TEX9: variants seen among roughly 807,000 people sequenced by gnomAD.
TEX9 encodes the protein testis expressed 9, also known as testis-expressed protein 9.
Under a neutral mutation model 59.6 loss-of-function variants are expected in TEX9, and 74 were observed. The ratio of observed to expected loss-of-function variants is 1.24; its 90% CI spans 1.03 to 1.51. The LOEUF (loss-of-function observed/expected upper bound fraction) is 1.51, where lower values mean the gene tolerates loss of function less well. Among genes scored for constraint, TEX9 ranks in the 40% most tolerant of loss-of-function variants. TEX9 has a pLI of 0.00. For missense variants in TEX9, 522 were observed against 447.8 expected (o/e 1.17, Z -1.49); for synonymous variants, 186 against 152.2 (o/e 1.22, Z -1.64).
chr15:56,340,378 G>A (rs2046349320), intron 1 of TEX9, among the ~76,000 whole-genome samples: 1 of 152,184 alleles, frequency 6.6e-6, no homozygotes, highest in Admixed American at 6.5e-5. Context: ...TAACAATCAT[G>A]ATAATACATC....
intron 1 of TEX9, among the ~76,000 whole-genome samples, chr15:56,296,548 C>T (rs916691271): frequency 1.3e-5 from 2 of 152,164 alleles, no homozygotes; most frequent in Admixed American, 6.5e-5. Flanking sequence ...CTATCTCTTT[C>T]GGCTACAATA....
At chr15:56,398,165 G>A (rs1398818217) in intron 9 of TEX9, 2 of 151,850 alleles carry the variant, frequency 1.3e-5, no homozygotes, top group South Asian at 2.1e-4. Context: ...AAATTGCGAT[G>A]TGCTATAACT....
Position 56,247,896 on chromosome 15 carries a change from C to T in TEX9, c.-107+3618C>T, listed in dbSNP as rs943702151. 2.6e-5 allele frequency among the ~76,000 whole-genome samples: 4 copies of T among 152,154 alleles called. No homozygotes were observed. In the East Asian group the frequency reaches 7.7e-4, roughly 29 times the overall value. ...TGATCATTACTTCCTCTGTCTTTTT[C>T]CATTGCAAGCTTTCTCCTCTAGAAG... On this transcript the variant is annotated intron_variant, in intron 1 of 5. Coordinates refer to the TEX9 transcript ENST00000560827.
In TEX9 at chr15:56,324,075, G is replaced by T. The variant is rs114908047; in HGVS notation, c.-106-49366G>T. Among the ~76,000 whole-genome samples, 1,214 of 152,052 alleles carry T rather than the reference G, an allele frequency of 8.0e-3. 13 individuals are homozygous for T. The highest frequency in any genetic ancestry group is 0.027 in the African/African-American group (1,136 of 41,458). Reference sequence around the variant, plus strand: ...TAGAAATCGAAAGCAGGTTCTTATTGGTGCACAGCACAAATTAGTTATATA... The same window carrying T: ...TAGAAATCGAAAGCAGGTTCTTATTTGTGCACAGCACAAATTAGTTATATA... On this transcript the variant is annotated intron_variant, in intron 1 of 5. Transcript: ENST00000560827.
chr15:56,277,975 T>C lies in TEX9; in HGVS notation c.-107+33697T>C, dbSNP rs567537916. ...ACTATTTCGTTTTTTTTTTCTCTTT[T>C]CCCTTTTTATTTCTTTGGTTTCCCC... On this transcript the variant is annotated intron_variant, in intron 1 of 5. Coordinates refer to the TEX9 transcript ENST00000560827. Among the ~76,000 whole-genome samples the C allele has an allele frequency of 3.9e-5, 6 of 152,256 alleles. No homozygotes were observed. The East Asian group carries it at 1.2e-3, about 29-fold the overall frequency.
At chr15:56,371,542 T>C (rs1469682795) in intron 2 of TEX9, among the ~76,000 whole-genome samples, 1 of 152,158 alleles carries the variant, frequency 6.6e-6, no homozygotes, top group Non-Finnish European at 1.5e-5. Flanking sequence ...GTATAAATTT[T>C]CCCTTTCCTC....
At chr15:56,388,925 G>A (rs1252729555) in intron 5 of TEX9, among the ~76,000 whole-genome samples, 1 of 151,846 alleles carries the variant, frequency 6.6e-6, no homozygotes, top group Admixed American at 6.6e-5. Context: ...AACATAGTGG[G>A]ATCTATGTTT....
At chr15:56,332,337 G>C (rs2046165346) in intron 1 of TEX9, among the ~76,000 whole-genome samples, 1 of 151,462 alleles carries the variant, frequency 6.6e-6, no homozygotes, top group African/African-American at 2.4e-5. Flanking sequence ...GATGAAATTG[G>C]AAATCATCAT....
intron 10 of TEX9, among the ~76,000 whole-genome samples, chr15:56,423,959 A>G (rs1190652092): frequency 6.6e-6 from 1 of 151,974 alleles, no homozygotes; most frequent in Admixed American, 6.6e-5. Flanking sequence ...TATCCTTCTT[A>G]TGCCTTTGTG....
chr15:56,340,052 AC>A (rs2046342757), intron 1 of TEX9, among the ~76,000 whole-genome samples: 1 of 152,194 alleles, frequency 6.6e-6, no homozygotes, highest in Non-Finnish European at 1.5e-5. Context: ...TATGATGGGT[AC>A]CACTAAGCCT....
rs1567091393 is a variant in TEX9, at chr15:56,339,402, A to AACAAAC, written c.-106-34038_-106-34037insCAAACA. Among the ~76,000 whole-genome samples, 30 of 79,584 alleles carry AACAAAC rather than the reference A, an allele frequency of 3.8e-4. 1 individual carries two copies. In the East Asian group the frequency reaches 4.6e-3, roughly 12 times the overall value. 52.2% of individuals were successfully genotyped at this position (79,584 alleles called of 152,430 possible). On this transcript the variant is annotated intron_variant, in intron 1 of 5. Transcript: ENST00000560827. The stretch of plus-strand genomic sequence containing the variant: ...CTTCTCCAAAAAAAAAAAAAAAAAA[A>AACAAAC]AAAAAAAAAAAACAGGAGAATAACT...
Position 56,249,807 on chromosome 15 carries a change from G to GA in TEX9, c.-107+5538dup, listed in dbSNP as rs1303874477. Among the ~76,000 whole-genome samples, 40 of 131,214 alleles carry GA rather than the reference G, an allele frequency of 3.0e-4. 1 individual carries two copies. The highest frequency in any genetic ancestry group is 1.5e-3 in the Admixed American group (20 of 13,040). 86.1% of individuals were successfully genotyped at this position (131,214 alleles called of 152,430 possible). A position where few individuals can be genotyped will look rare whatever the true frequency, so the allele number is the denominator to read the frequency against. ...GCATCTATGGGCAGGTGGAATTACAGAAAAAAAAATTCCCATGAGCTGTAG... is the reference window on the plus strand; with the variant it reads ...GCATCTATGGGCAGGTGGAATTACAGAAAAAAAAAATTCCCATGAGCTGTAG... On this transcript the variant is annotated intron_variant, in intron 1 of 5. Coordinates refer to the TEX9 transcript ENST00000560827.
upstream of TEX9, among the ~76,000 whole-genome samples, chr15:56,363,199 C>A (rs1437899976): frequency 3.3e-5 from 5 of 151,960 alleles, no homozygotes; most frequent in African/African-American, 1.2e-4. Flanking sequence ...GCACAATTTT[C>A]CCATTCCCAC....
chr15:56,365,398 C>G, upstream of TEX9: 1 of 1,588,492 alleles, frequency 6.3e-7, no homozygotes, highest in Non-Finnish European at 8.6e-7. Context: ...GATGTGGAAA[C>G]TCTCGCGGGA....
the TEX9 span, among the ~76,000 whole-genome samples, chr15:56,453,927 G>T: frequency 6.6e-6 from 1 of 152,014 alleles, no homozygotes; most frequent in Non-Finnish European, 1.5e-5. Flanking sequence ...CTTAATATAG[G>T]TGATTTTAAA....
chr15:56,245,263 AG>A (rs764890325), intron 1 of TEX9, among the ~76,000 whole-genome samples: 3 of 152,134 alleles, frequency 2.0e-5, no homozygotes, highest in Non-Finnish European at 4.4e-5. Context: ...CACAGACTTA[AG>A]GCCCAGACTC....
intron 1 of TEX9, among the ~76,000 whole-genome samples, chr15:56,293,116 C>T (rs1479307316): frequency 6.6e-6 from 1 of 152,132 alleles, no homozygotes; most frequent in Non-Finnish European, 1.5e-5. Context: ...AGGAGGATCA[C>T]TTGAGCCCAG....
rs751966676 is a variant in TEX9, at chr15:56,427,589, T to G, written c.964-16T>G. Reference sequence around the variant, plus strand: ...TGTATATTAAAAATATATGGCACTTTTTTTTCCTTGTGTAGGACATAGCAA... The same window carrying G: ...TGTATATTAAAAATATATGGCACTTGTTTTTCCTTGTGTAGGACATAGCAA... On this transcript the variant is annotated splice_polypyrimidine_tract_variant and intron_variant, in intron 10 of 12. Transcript: ENST00000352903. 6.8e-7 allele frequency: 1 copy of G among 1,473,098 alleles called. No individual in the cohort carries two copies. Among genetic ancestry groups the G allele is most frequent in the Admixed American group, 2.6e-5 (1 of 38,418 alleles). 91.3% of individuals were successfully genotyped at this position (1,473,098 alleles called of 1,614,324 possible).
chr15:56,403,887 G>T (rs967774200), intron 9 of TEX9, among the ~76,000 whole-genome samples: 2 of 152,084 alleles, frequency 1.3e-5, no homozygotes, highest in Non-Finnish European at 2.9e-5. Flanking sequence ...GGGGAAAGGA[G>T]TCCCTATTTA....
Sources: allele counts gnomAD v4.1 joint callset (sites outside exome capture counted in the v4.1 genomes callset), GRCh38; gene constraint gnomAD v4.1.1; transcripts MANE v1.5; gene names NCBI Gene and HGNC (gene_info 2026-07-23, HGNC 2026-07-21).